The following THUMPD3 variants were observed in gnomAD, a reference collection of about 807,000 sequenced individuals.
THUMPD3 encodes the protein tRNA (guanine(6)-N(2))-methyltransferase THUMP3.
In THUMPD3, 44 loss-of-function variants were observed where a neutral mutation model predicts 54.5. The observed-to-expected ratio is 0.81, with a 90% CI of 0.63 to 1.04. The LOEUF is 1.04. Among genes scored for constraint, THUMPD3 ranks in the 50% least tolerant of loss-of-function variants. The pLI, the probability that THUMPD3 is intolerant of heterozygous loss-of-function variation, is 0.00. For missense variants in THUMPD3, 604 were observed against 601.3 expected, an observed-to-expected ratio of 1.00 and a Z score of -0.05; for synonymous variants, 196 against 201.4, an observed-to-expected ratio of 0.97 and a Z score of 0.23.
intron 5 of THUMPD3, among the ~76,000 whole-genome samples, chr3:9,377,275 A>G (rs2032531234): frequency 6.6e-6 from 1 of 152,148 alleles, no homozygotes. Context: ...TGAGAGTGAA[A>G]TGGGATTTTG....
rs552769127 is a variant in THUMPD3 at position 9,384,906 on chromosome 3, G to A, written c.*218G>A. The A allele has an allele frequency of 3.5e-5, 19 of 537,206 alleles. No individual in the cohort carries two copies. The highest frequency in any genetic ancestry group is 1.7e-4 in the East Asian group (5 of 29,994). 33.3% of individuals were successfully genotyped at this position (537,206 alleles called of 1,614,324 possible). On this transcript the variant is annotated 3_prime_UTR_variant, in exon 10 of 10. Transcript: ENST00000452837. ...CACGACTGTAATTCCAGCAGTTTAG[G>A]AAGCCGAAGTGTGCAGATCACCTGA...
At chr3:9,373,056 G>C (rs2032185775) in intron 4 of THUMPD3, among the ~76,000 whole-genome samples, 1 of 151,998 alleles carries the variant, frequency 6.6e-6, no homozygotes, top group Non-Finnish European at 1.5e-5. Context: ...AGACCAGCCT[G>C]GGCAAAATAG....
At chr3:9,370,401 C>T (rs2031932620) in intron 3 of THUMPD3, among the ~76,000 whole-genome samples, 1 of 152,188 alleles carries the variant, frequency 6.6e-6, no homozygotes, top group Non-Finnish European at 1.5e-5. Context: ...TGGAGTTAGG[C>T]TTTCTTTCCT....
chr3:9,384,743 CT>C lies in THUMPD3; in HGVS notation c.*57del. On this transcript the variant is annotated 3_prime_UTR_variant, in exon 10 of 10. Transcript: ENST00000452837. ...CACTGGAAATGTTAGCATAAAAGAA[CT>C]TGGAGAGGAAAAAAGTATTAACAAA... 7.5e-6 allele frequency: 12 copies of C among 1,598,086 alleles called. No individual in the cohort carries two copies. Among genetic ancestry groups the C allele is most frequent in the Non-Finnish European group, 1.0e-5 (12 of 1,169,690 alleles).
chr3:9,380,784 T>C lies in THUMPD3; in HGVS notation c.1124+166T>C, dbSNP rs903227841. The C allele has an allele frequency of 1.3e-5, 6 of 450,180 alleles. No individual in the cohort carries two copies. The East Asian group carries it at 2.1e-4, about 16-fold the overall frequency. The allele number at this position is 450,180 out of a possible 1,614,324, so 27.9% of individuals were successfully genotyped here. A position where few individuals can be genotyped will look rare whatever the true frequency, so the allele number is the denominator to read the frequency against. Reference sequence around the variant, plus strand: ...TAAAGTTTATTGAAAATAAGTTATATTTTTAAAATATTATTTTAGCGATAA... The same window carrying C: ...TAAAGTTTATTGAAAATAAGTTATACTTTTAAAATATTATTTTAGCGATAA... On this transcript the variant is annotated intron_variant, in intron 7 of 9. Coordinates refer to ENST00000452837, the MANE Select transcript of THUMPD3 (RefSeq NM_001114092.2).
At chr3:9,375,871 A>G (rs112735572) in intron 5 of THUMPD3, among the ~76,000 whole-genome samples, 22 of 152,326 alleles carry the variant, frequency 1.4e-4, no homozygotes, top group African/African-American at 5.1e-4. Flanking sequence ...CATAGAAAGG[A>G]TAGGGCAAAA....
intron 6 of THUMPD3, 85 bp from the exon 7 acceptor site, chr3:9,380,418 G>A: frequency 1.1e-6 from 1 of 908,408 alleles, no homozygotes; most frequent in Non-Finnish European, 1.7e-6. Context: ...CTCTAGAAAA[G>A]CACTGGATTT....
At chr3:9,363,638 A>G (rs1408232114) in intron 1 of THUMPD3, 1 of 151,702 alleles carries the variant, frequency 6.6e-6, no homozygotes, top group African/African-American at 2.4e-5. Flanking sequence ...CCAAGCACAC[A>G]CAAAAGCTTA....
Position 9,384,956 on chromosome 3 carries a change from A to T in THUMPD3, c.*268A>T. 1 of 353,576 alleles carries T rather than the reference A, an allele frequency of 2.8e-6. No homozygotes were observed. The highest frequency in any genetic ancestry group is 5.3e-6 in the Non-Finnish European group (1 of 188,530). 21.9% of individuals were successfully genotyped at this position (353,576 alleles called of 1,614,324 possible). On this transcript the variant is annotated 3_prime_UTR_variant, in exon 10 of 10. Coordinates refer to ENST00000452837, the MANE Select transcript of THUMPD3 (RefSeq NM_001114092.2). ...AGGTCCGGAGACCAGCCTGGCCAAC[A>T]TGGTGAAACCCTGTCTCTACTAGAA...
chr3:9,368,201 C>G (rs912498213), intron 3 of THUMPD3, among the ~76,000 whole-genome samples: 3 of 151,738 alleles, frequency 2.0e-5, no homozygotes, highest in African/African-American at 7.3e-5. Context: ...CCCCACCCCC[C>G]TCTTTTAAAA....
intron 3 of THUMPD3, among the ~76,000 whole-genome samples, 163 bp from the exon 4 acceptor site, chr3:9,370,897 A>G (rs1258924436): frequency 6.6e-6 from 1 of 152,064 alleles, no homozygotes; most frequent in Non-Finnish European, 1.5e-5. Context: ...ACACTATACC[A>G]TTTTATATGA....
In THUMPD3 at chr3:9,383,301, T is replaced by TGGA. The variant is rs2125335151; in HGVS notation, c.1228_1230dup (p.Gly410dup). ...ATATTATTGTAACAGATTTGCCATT[T>TGGA]GGAAAAAGGTGAGAAATACTAGTAC... On this transcript the variant is annotated inframe_insertion, in exon 8 of 10. Transcript: ENST00000452837. The TGGA allele has an allele frequency of 6.2e-7, 1 of 1,609,482 alleles. No homozygotes were observed. The highest frequency in any genetic ancestry group is 2.2e-5 in the East Asian group (1 of 44,838).
At chr3:9,371,847 TA>T (rs2032063216) in intron 4 of THUMPD3, among the ~76,000 whole-genome samples, 1 of 152,236 alleles carries the variant, frequency 6.6e-6, no homozygotes, top group Non-Finnish European at 1.5e-5. Flanking sequence ...AAGTGCTCCA[TA>T]GATGGAAGCC....
At position 9,384,832 on chromosome 3, in the gene THUMPD3, A is replaced by C. The variant is rs1404945626; in HGVS notation, c.*144A>C. 2 of 887,614 alleles carry C rather than the reference A, an allele frequency of 2.3e-6. No homozygotes were observed. Among genetic ancestry groups the C allele is most frequent in the East Asian group, 2.6e-5 (1 of 38,124 alleles). 55.0% of individuals were successfully genotyped at this position (887,614 alleles called of 1,614,324 possible). ...TCATCCTGGTTAGCAAAAGGTGTGA[A>C]TGTAATGTGATGGAATTTAAAAGTT... On this transcript the variant is annotated 3_prime_UTR_variant, in exon 10 of 10. Coordinates refer to ENST00000452837, the MANE Select transcript of THUMPD3 (RefSeq NM_001114092.2).
chr3:9,385,608 A>G lies in THUMPD3; in HGVS notation c.*920A>G, dbSNP rs535931969. 4.6e-5 allele frequency: 7 copies of G among 152,368 alleles called. No individual in the cohort carries two copies. In the South Asian group the frequency reaches 6.2e-4, roughly 14 times the overall value. The allele number at this position is 152,368 out of a possible 1,614,324, so 9.4% of individuals were successfully genotyped here. A position where few individuals can be genotyped will look rare whatever the true frequency, so the allele number is the denominator to read the frequency against. On this transcript the variant is annotated 3_prime_UTR_variant, in exon 10 of 10. Coordinates refer to ENST00000452837, the MANE Select transcript of THUMPD3 (RefSeq NM_001114092.2). ...AGGAATTATCAAAGGTACTGCAAAAATACTGTATAGAACTTATTTGTAAAT... is the reference window on the plus strand; with the variant it reads ...AGGAATTATCAAAGGTACTGCAAAAGTACTGTATAGAACTTATTTGTAAAT...
At chr3:9,381,077 A>G (rs1467348087) in intron 7 of THUMPD3, among the ~76,000 whole-genome samples, 1 of 152,126 alleles carries the variant, frequency 6.6e-6, no homozygotes, top group Non-Finnish European at 1.5e-5. Flanking sequence ...GAATACAGGC[A>G]TGTGCCACCA....
chr3:9,377,203 C>CGTGT (rs137922488), intron 5 of THUMPD3, among the ~76,000 whole-genome samples: 16 of 148,822 alleles, frequency 1.1e-4, no homozygotes, highest in Admixed American at 6.0e-4. Context: ...TATGCATGAG[C>CGTGT]GTGTGTGTGT....
intron 2 of THUMPD3, among the ~76,000 whole-genome samples, chr3:9,366,387 C>A (rs1340563286): frequency 6.6e-6 from 1 of 152,142 alleles, no homozygotes; most frequent in African/African-American, 2.4e-5. Flanking sequence ...CAGAAAATAT[C>A]TGTGGGATGA....
chr3:9,366,080 A>G (rs2031540289), intron 2 of THUMPD3, among the ~76,000 whole-genome samples: 1 of 152,182 alleles, frequency 6.6e-6, no homozygotes, highest in Non-Finnish European at 1.5e-5. Context: ...ATACTGTTCA[A>G]CTTAAGAAAT....
Sources: gnomAD v4.1 joint callset for allele counts (sites outside exome capture counted in the v4.1 genomes callset) on GRCh38, gnomAD v4.1.1 for gene constraint, MANE v1.5 for transcripts, NCBI Gene and HGNC (gene_info 2026-07-23, HGNC 2026-07-21) for gene names.